The following CREBBP variants were observed in gnomAD, a reference collection of about 807,000 sequenced individuals.
CREBBP encodes the protein CREB binding lysine acetyltransferase, also known as CREB-binding protein.
Under a neutral mutation model 265.0 loss-of-function variants are expected in CREBBP, and 19 were observed. The ratio of observed to expected loss-of-function variants is 0.07; its 90% CI spans 0.05 to 0.11. The LOEUF (loss-of-function observed/expected upper bound fraction) is 0.11, where lower values mean the gene tolerates loss of function less well. Among genes scored for constraint, CREBBP ranks in the 10% least tolerant of loss-of-function variants. CREBBP has a pLI of 1.00. For missense variants in CREBBP, 2,525 were observed against 3,219.0 expected, an observed-to-expected ratio of 0.78 and a Z score of 5.22; for synonymous variants, 1,457 against 1,223.7, an observed-to-expected ratio of 1.19 and a Z score of -3.98.
In CREBBP at chr16:3,729,110, G is replaced by A. The variant is rs1274321756; in HGVS notation, c.5937C>T (p.Asn1979=). 1.3e-6 allele frequency: 2 copies of A among 1,581,412 alleles called. No individual in the cohort carries two copies. The highest frequency in any genetic ancestry group is 1.7e-6 in the Non-Finnish European group (2 of 1,169,834). ...TGCCCGTGCGTCCTGGGGGCATGCT[G>A]TTGTTGATGTTCACCCGGTACAGGT... ...QQHLYRVNIN[N]SMPPGRTGMG... is the part of the protein sequence containing the mutation. Residue 1979 remains asparagine (N), a synonymous_variant, in exon 31 of 31, where the codon AAC becomes AAT. Transcript: ENST00000262367.
intron 5 of CREBBP, among the ~76,000 whole-genome samples, chr16:3,785,193 C>G (rs1166929947): frequency 6.6e-6 from 1 of 152,168 alleles, no homozygotes; most frequent in African/African-American, 2.4e-5. Flanking sequence ...GTACTGCAAC[C>G]TCAAGGTGCT....
intron 7 of CREBBP, 67 bp downstream of exon 7, chr16:3,781,137 C>A: frequency 1.4e-6 from 2 of 1,405,668 alleles, no homozygotes; most frequent in Non-Finnish European, 2.0e-6. Flanking sequence ...TAGAAAGAAT[C>A]AGTTTTGTGT....
In CREBBP at chr16:3,830,311, T is replaced by A. The variant is rs183374132; in HGVS notation, c.799-19532A>T. 8.1e-4 allele frequency among the ~76,000 whole-genome samples: 123 copies of A among 152,010 alleles called. 3 individuals carry two copies. The South Asian group carries it at 0.013, about 16-fold the overall frequency. On this transcript the variant is annotated intron_variant, in intron 2 of 30. Coordinates refer to ENST00000262367, the MANE Select transcript of CREBBP (RefSeq NM_004380.3). ...TACTCAGGAGGCTGAGGTGGGAGGA[T>A]CACCTCACCCGGGGTGGGGGGCAGA...
intron 1 of CREBBP, among the ~76,000 whole-genome samples, chr16:3,866,363 C>A (rs990101160): frequency 2.0e-5 from 3 of 152,054 alleles, no homozygotes; most frequent in Non-Finnish European, 2.9e-5. Flanking sequence ...TGTGACAAAG[C>A]AAGTGATGAT....
chr16:3,849,418 T>C (rs1567359898), intron 2 of CREBBP, among the ~76,000 whole-genome samples: 1 of 6,568 alleles, frequency 1.5e-4, no homozygotes, highest in African/African-American at 1.8e-4. Flanking sequence ...TGTGTGTGTG[T>C]GTGTGTGTGT....
At chr16:3,777,691 A>T (rs1169174236) in intron 10 of CREBBP, 34 bp from the exon 11 acceptor site, 1 of 1,610,990 alleles carries the variant, frequency 6.2e-7, no homozygotes. Flanking sequence ...AAACAAAACC[A>T]CCCTAGTTAT....
At chr16:3,791,704 C>T (rs1369333573) in intron 5 of CREBBP, among the ~76,000 whole-genome samples, 3 of 152,206 alleles carry the variant, frequency 2.0e-5, no homozygotes, top group Admixed American at 2.0e-4. Context: ...AACAAAGTGA[C>T]TCTGCTGTTC....
intron 28 of CREBBP, among the ~76,000 whole-genome samples, chr16:3,734,519 G>A (rs572837790): frequency 1.1e-3 from 172 of 152,276 alleles, no homozygotes; most frequent in Middle Eastern, 3.4e-3. Context: ...ACTCAGCTGC[G>A]CAAAGCCTGT....
chr16:3,771,821 A>T (rs1430050046), intron 13 of CREBBP, among the ~76,000 whole-genome samples: 33 of 146,528 alleles, frequency 2.3e-4, no homozygotes, highest in East Asian at 3.9e-4. Context: ...TTTTTTTTTA[A>T]AAAAAAAAAG....
chr16:3,751,209 G>C (rs188843048), intron 20 of CREBBP, among the ~76,000 whole-genome samples: 5 of 152,324 alleles, frequency 3.3e-5, no homozygotes, highest in Non-Finnish European at 7.4e-5. Flanking sequence ...AATGATAAAG[G>C]CAGAGGTGGC....
chr16:3,760,126 C>T (rs1199622794), intron 16 of CREBBP, among the ~76,000 whole-genome samples: 1 of 152,178 alleles, frequency 6.6e-6, no homozygotes, highest in African/African-American at 2.4e-5. Flanking sequence ...AGGTCGCACT[C>T]TGTTGCCCAG....
At chr16:3,739,433 C>T (rs2052147708) in intron 25 of CREBBP, 145 bp downstream of exon 25, 1 of 934,414 alleles carries the variant, frequency 1.1e-6, no homozygotes, top group Non-Finnish European at 1.6e-6. Context: ...GAAAACAAAA[C>T]TAACTACTTT....
At chr16:3,823,236 C>A (rs1015730261) in intron 2 of CREBBP, among the ~76,000 whole-genome samples, 1 of 152,154 alleles carries the variant, frequency 6.6e-6, no homozygotes, top group Non-Finnish European at 1.5e-5. Flanking sequence ...TTCTTAAAGT[C>A]GTTCTCTACT....
intron 21 of CREBBP, among the ~76,000 whole-genome samples, chr16:3,747,933 C>CA (rs1226139182): frequency 3.9e-5 from 6 of 152,018 alleles, no homozygotes; most frequent in African/African-American, 7.2e-5. Flanking sequence ...ACTAAAAATA[C>CA]AAAAAAATTA....
In CREBBP at chr16:3,728,145, A is replaced by C. The variant is rs2151300639; in HGVS notation, c.6902T>G (p.Met2301Arg). 1 of 1,614,062 alleles carries C rather than the reference A, an allele frequency of 6.2e-7. No homozygotes were observed. Among genetic ancestry groups the C allele is most frequent in the Non-Finnish European group, 8.5e-7 (1 of 1,180,004 alleles). The change falls in exon 31 of 31, where the codon ATG becomes AGG. Residue 2301 changes from methionine (M) to arginine (R), a missense_variant. Transcript: ENST00000262367. The surrounding 1 kb of genome is among the most constrained non-coding windows in gnomAD (Gnocchi z 8.7). ...GCCTGGGGACCCAATCTGCTGCTTC[A>C]TCTGCTGTTGCTGCAGAATCCGCTG... ...LQQRILQQQQ[M>R]KQQIGSPGQP...
At chr16:3,873,471 T>C (rs570619220) in intron 1 of CREBBP, among the ~76,000 whole-genome samples, 2 of 152,304 alleles carry the variant, frequency 1.3e-5, no homozygotes, top group South Asian at 2.1e-4. Flanking sequence ...CGAGCACACA[T>C]GGCTTCTGTC....
chr16:3,855,059 C>T (rs2054930918), intron 1 of CREBBP, among the ~76,000 whole-genome samples: 1 of 152,102 alleles, frequency 6.6e-6, no homozygotes, highest in African/African-American at 2.4e-5. Context: ...AATATACTGC[C>T]CTTACTCAAA....
At chr16:3,745,810 A>G (rs1395278214) in intron 21 of CREBBP, among the ~76,000 whole-genome samples, 1 of 152,256 alleles carries the variant, frequency 6.6e-6, no homozygotes, top group East Asian at 1.9e-4. Flanking sequence ...ACTAATGGGA[A>G]ACACGGCCAG....
intron 19 of CREBBP, among the ~76,000 whole-genome samples, chr16:3,753,169 G>A (rs1232575066): frequency 6.6e-6 from 1 of 152,176 alleles, no homozygotes; most frequent in African/African-American, 2.4e-5. Context: ...AATGGGACGC[G>A]GCAGCTGCAG....
Sources: gnomAD v4.1 joint callset for allele counts (sites outside exome capture counted in the v4.1 genomes callset) on GRCh38, gnomAD v4.1.1 for gene constraint, Gnocchi (gnomAD v3.1) non-coding constraint, MANE v1.5 for transcripts, NCBI Gene and HGNC (gene_info 2026-07-23, HGNC 2026-07-21) for gene names.